The following CDH23 variants were observed in gnomAD, a reference collection of about 807,000 sequenced individuals.
The protein encoded by CDH23 is cadherin related 23, also known as cadherin-23.
A neutral mutation model predicts 317.1 loss-of-function variants in CDH23; 189 were observed. The observed-to-expected ratio is 0.60, with a 90% CI of 0.53 to 0.67. The LOEUF is 0.67. Among genes scored for constraint, CDH23 ranks in the 30% least tolerant of loss-of-function variants. CDH23 has a pLI of 0.00. For synonymous variants in CDH23, 1,839 were observed against 1,876.8 expected (o/e 0.98, Z 0.52); for missense variants, 4,401 against 4,592.4 (o/e 0.96, Z 1.20).
chr10:71,806,552 A>C (rs1365141433), intron 57 of CDH23, among the ~76,000 whole-genome samples: 1 of 148,478 alleles, frequency 6.7e-6, no homozygotes, highest in Non-Finnish European at 1.5e-5. Flanking sequence ...ACACATACAC[A>C]CACACAAAGC....
chr10:71,626,624 T>C (rs1045550538), intron 11 of CDH23, among the ~76,000 whole-genome samples: 5 of 152,354 alleles, frequency 3.3e-5, no homozygotes, highest in Non-Finnish European at 5.9e-5. Context: ...CATGGACCTC[T>C]GTTTTTCTGT....
intron 8 of CDH23, among the ~76,000 whole-genome samples, chr10:71,576,097 T>C (rs1438038823): frequency 6.6e-6 from 1 of 152,184 alleles, no homozygotes; most frequent in African/African-American, 2.4e-5. Flanking sequence ...GGCAGCCCCA[T>C]GCAGGAGCCC....
At chr10:71,578,718 A>AC (rs57394595) in intron 9 of CDH23, among the ~76,000 whole-genome samples, 1 of 151,646 alleles carries the variant, frequency 6.6e-6, no homozygotes, top group Non-Finnish European at 1.5e-5. Context: ...GGCTCTGCCC[A>AC]CCCCCCCATA....
intron 3 of CDH23, among the ~76,000 whole-genome samples, chr10:71,468,529 A>G (rs1851360864): frequency 6.6e-6 from 1 of 152,038 alleles, no homozygotes; most frequent in South Asian, 2.1e-4. Context: ...CACACTTTCT[A>G]AGGGCCATCC....
intron 38 of CDH23, among the ~76,000 whole-genome samples, chr10:71,743,761 A>G (rs1308878078): frequency 6.6e-6 from 1 of 152,194 alleles, no homozygotes; most frequent in Non-Finnish European, 1.5e-5. Context: ...CTTCAATAGC[A>G]TTTGTGAAGT....
rs761012326 is a variant in CDH23, at chr10:71,751,900, C to T, written c.4845+9979C>T. ...AGAATGGAAGGTCATCTGTGCTGTC[C>T]GGAGCGTGAACTCTGCCCTCCCTGC... On this transcript the variant is annotated intron_variant, in intron 38 of 69. Coordinates refer to ENST00000224721, the MANE Select transcript of CDH23 (RefSeq NM_022124.6). The surrounding 1 kb of genome is among the most constrained non-coding windows in gnomAD (Gnocchi z 4.9). The T allele has an allele frequency of 2.2e-5, 34 of 1,540,120 alleles. No homozygotes were observed. Among genetic ancestry groups the T allele is most frequent in the Middle Eastern group, 1.8e-4 (1 of 5,518 alleles).
chr10:71,676,423 T>C (rs1329350968), intron 15 of CDH23, among the ~76,000 whole-genome samples: 1 of 149,346 alleles, frequency 6.7e-6, no homozygotes. Context: ...GGTCAGGAGT[T>C]CAAGACCAGC....
intron 62 of CDH23, 53 bp from the exon 63 acceptor site, chr10:71,811,262 G>A (rs1053080232): frequency 1.3e-5 from 21 of 1,612,914 alleles, no homozygotes; most frequent in South Asian, 4.4e-5. Flanking sequence ...GCAGACTGTC[G>A]GTGGTGGGGG....
At chr10:71,601,958 C>A (rs1001784994) in intron 9 of CDH23, among the ~76,000 whole-genome samples, 1 of 90,854 alleles carries the variant, frequency 1.1e-5, no homozygotes, top group Non-Finnish European at 2.3e-5. Flanking sequence ...GGGTGGGCGG[C>A]GGAGGGGGGG....
At chr10:71,670,496 C>T (rs968175801) in intron 14 of CDH23, among the ~76,000 whole-genome samples, 4 of 152,110 alleles carry the variant, frequency 2.6e-5, no homozygotes, top group African/African-American at 9.7e-5. Context: ...CGAGGGGCTC[C>T]CGGGTCAAGA....
At position 71,811,676 on chromosome 10, in the gene CDH23, T is replaced by C. The variant is rs753129213; in HGVS notation, c.9279-37T>C. On this transcript the variant is annotated intron_variant, in intron 64 of 69. Transcript: ENST00000224721. Reference sequence around the variant, plus strand: ...GCAGGCAGGGCCTGAGACGTCAGCTTGGCCCCCCTCACCAGCCCCTCTCTG... The same window carrying C: ...GCAGGCAGGGCCTGAGACGTCAGCTCGGCCCCCCTCACCAGCCCCTCTCTG... The C allele has an allele frequency of 1.9e-6, 3 of 1,613,472 alleles. No homozygotes were observed. The South Asian group carries it at 3.3e-5, about 18-fold the overall frequency.
chr10:71,799,584 C>T lies in CDH23; in HGVS notation c.7317C>T (p.Tyr2439=), dbSNP rs745532273. 5 of 1,613,972 alleles carry T rather than the reference C, an allele frequency of 3.1e-6. No homozygotes were observed. In the Admixed American group the frequency reaches 8.3e-5, roughly 27 times the overall value. The change falls in exon 52 of 70, where the codon TAC becomes TAT. Residue 2439 remains tyrosine (Y), a synonymous_variant. Coordinates refer to ENST00000224721, the MANE Select transcript of CDH23 (RefSeq NM_022124.6). ...CAGGCAACTTTGCACTCATTGAGTA[C>T]AGCCTTGGAGATGGAGAGAGCAAGT... ...ADSGNFALIE[Y]SLGDGESKFA... is the part of the protein sequence containing the mutation.
At chr10:71,676,227 T>C (rs535532490) in intron 15 of CDH23, among the ~76,000 whole-genome samples, 1 of 151,756 alleles carries the variant, frequency 6.6e-6, no homozygotes, top group South Asian at 2.1e-4. Context: ...TTTAACATGC[T>C]CGAAGGCCAC....
At position 71,730,624 on chromosome 10, in the gene CDH23, G is replaced by A; in HGVS notation, c.3715+20G>A. The A allele has an allele frequency of 6.2e-7, 1 of 1,613,136 alleles. No individual in the cohort carries two copies. The highest frequency in any genetic ancestry group is 8.5e-7 in the Non-Finnish European group (1 of 1,179,828). On this transcript the variant is annotated intron_variant, in intron 31 of 69. Coordinates refer to ENST00000224721, the MANE Select transcript of CDH23 (RefSeq NM_022124.6). ...ACTCTGGTGAGGCTGGCAGGAGGAA[G>A]CCGGGGATCCCATTGCTCAGAGCAA...
intron 9 of CDH23, among the ~76,000 whole-genome samples, chr10:71,582,690 C>T (rs1298099592): frequency 6.6e-6 from 1 of 152,176 alleles, no homozygotes; most frequent in Non-Finnish European, 1.5e-5. Context: ...AGTCAGCACT[C>T]AGAAGAGCAC....
chr10:71,668,896 C>T (rs1864025525), intron 14 of CDH23, among the ~76,000 whole-genome samples: 2 of 152,198 alleles, frequency 1.3e-5, no homozygotes, highest in African/African-American at 4.8e-5. Context: ...TACACTTCTG[C>T]CGGCATTGTC....
At chr10:71,682,305 A>T in intron 17 of CDH23, 140 bp from the exon 18 acceptor site, 2 of 1,082,888 alleles carry the variant, frequency 1.8e-6, no homozygotes, top group Non-Finnish European at 2.7e-6. Flanking sequence ...CGAGATGTTG[A>T]GGCTCCAGGT....
intron 6 of CDH23, among the ~76,000 whole-genome samples, chr10:71,533,525 C>CCCCACACACACACACACA: frequency 7.6e-6 from 1 of 130,824 alleles, no homozygotes; most frequent in African/African-American, 3.0e-5. Context: ...TGGCTGGACA[C>CCCCACACACACACACACA]CACACACACA....
intron 14 of CDH23, among the ~76,000 whole-genome samples, chr10:71,664,665 G>A (rs1863810729): frequency 6.6e-6 from 1 of 152,236 alleles, no homozygotes; most frequent in Admixed American, 6.5e-5. Context: ...CAGAGCTAAA[G>A]CACCTGTGTG....
Sources: gnomAD v4.1 joint callset for allele counts (sites outside exome capture counted in the v4.1 genomes callset) on GRCh38, gnomAD v4.1.1 for gene constraint, Gnocchi (gnomAD v3.1) non-coding constraint, MANE v1.5 for transcripts, NCBI Gene and HGNC (gene_info 2026-07-23, HGNC 2026-07-21) for gene names.